The following LCT variants were observed in gnomAD, a reference collection of about 807,000 sequenced individuals.
The protein encoded by LCT is lactase/phlorizin hydrolase.
A neutral mutation model predicts 173.0 loss-of-function variants in LCT; 90 were observed. The ratio of observed to expected loss-of-function variants is 0.52; its 90% CI spans 0.44 to 0.62. LCT has a LOEUF of 0.62. Among genes scored for constraint, LCT ranks in the 20% least tolerant of loss-of-function variants. LCT has a pLI of 0.00. For missense variants in LCT, 1,864 were observed against 2,431.4 expected, an observed-to-expected ratio of 0.77 and a Z score of 4.91; for synonymous variants, 853 against 957.6, an observed-to-expected ratio of 0.89 and a Z score of 2.02.
rs747993329 is a variant in LCT, at chr2:135,837,076, C to A, written c.94G>T (p.Ala32Ser). 4.3e-6 allele frequency: 7 copies of A among 1,613,918 alleles called. No individual in the cohort carries two copies. Among genetic ancestry groups the A allele is most frequent in the Non-Finnish European group, 5.1e-6 (6 of 1,179,940 alleles). ...WESDRNFIST[A>S]GPLTNDLLHN... is the part of the protein sequence containing the mutation. ...AGCAAGTCATTGGTTAGAGGACCAG[C>A]GGTGGAAATGAAATTTCTATCAGAC... Residue 32 changes from alanine to serine, a missense_variant, in exon 1 of 17, where the codon GCT becomes TCT. Ala to Ser is a moderately conservative substitution (Grantham distance 99). Coordinates refer to ENST00000264162, the MANE Select transcript of LCT (RefSeq NM_002299.4).
intron 13 of LCT, among the ~76,000 whole-genome samples, chr2:135,797,366 C>T (rs980227500): frequency 2.1e-4 from 32 of 152,102 alleles, no homozygotes; most frequent in African/African-American, 7.5e-4. Flanking sequence ...TGGGCATGTT[C>T]CCGTGGGCAG....
intron 7 of LCT, among the ~76,000 whole-genome samples, chr2:135,810,684 G>A (rs994255597): frequency 1.3e-5 from 2 of 148,806 alleles, no homozygotes; most frequent in African/African-American, 5.0e-5. Flanking sequence ...TTTTAAAAAA[G>A]AAATAAAGCA....
Position 135,804,709 on chromosome 2 carries a change from C to G in LCT, c.4464+58G>C, listed in dbSNP as rs147299950. 2,537 of 1,491,502 alleles carry G rather than the reference C, an allele frequency of 1.7e-3. 28 individuals are homozygous for G. In the African/African-American group the frequency reaches 0.028, roughly 17 times the overall value. 92.4% of individuals were successfully genotyped at this position (1,491,502 alleles called of 1,614,324 possible). A position where few individuals can be genotyped will look rare whatever the true frequency, so the allele number is the denominator to read the frequency against. On this transcript the variant is annotated intron_variant, in intron 10 of 16. Transcript: ENST00000264162. ...TGTTTACATGATAAATGTGCTCCCCCAGCCCTGCTGGTTCCTGCATGTGGA... is the reference window on the plus strand; with the variant it reads ...TGTTTACATGATAAATGTGCTCCCCGAGCCCTGCTGGTTCCTGCATGTGGA...
chr2:135,814,761 C>T lies in LCT; in HGVS notation c.1708-1805G>A, dbSNP rs376597565. ...CGAACCCCTGATCTCGTGATCCGCC[C>T]GCCTCGGCCTCCCAAAGTGCTGAGA... On this transcript the variant is annotated intron_variant, in intron 6 of 16. Transcript: ENST00000264162. Among the ~76,000 whole-genome samples, 9 of 152,136 alleles carry T rather than the reference C, an allele frequency of 5.9e-5. No homozygotes were observed. In the South Asian group the frequency reaches 6.2e-4, roughly 11 times the overall value.
chr2:135,818,100 A>C, intron 5 of LCT, 39 bp from the exon 6 acceptor site: 2 of 1,611,736 alleles, frequency 1.2e-6, no homozygotes, highest in East Asian at 4.5e-5. Flanking sequence ...ATAATAATGA[A>C]TGACGCTGGC....
At chr2:135,806,928 C>T (rs2077679837) in intron 9 of LCT, among the ~76,000 whole-genome samples, 200 bp downstream of exon 9, 1 of 152,240 alleles carries the variant, frequency 6.6e-6, no homozygotes, top group African/African-American at 2.4e-5. Context: ...GACAGCGAGC[C>T]TCACCATGCT....
In LCT at chr2:135,828,942, A is replaced by G. The variant is rs200026406; in HGVS notation, c.804+651T>C. On this transcript the variant is annotated intron_variant, in intron 3 of 16. Coordinates refer to ENST00000264162, the MANE Select transcript of LCT (RefSeq NM_002299.4). Reference sequence around the variant, plus strand: ...GTGGTGGCTCACGCCTGTAATCCCAACACTTTGGGAGGCCAAGGTGGGCGG... The same window carrying G: ...GTGGTGGCTCACGCCTGTAATCCCAGCACTTTGGGAGGCCAAGGTGGGCGG... 1.2e-3 allele frequency among the ~76,000 whole-genome samples: 189 copies of G among 152,260 alleles called. 1 individual carries two copies. The highest frequency in any genetic ancestry group is 4.4e-3 in the African/African-American group (181 of 41,568).
At chr2:135,794,975 C>T (rs2077569502) in intron 13 of LCT, among the ~76,000 whole-genome samples, 200 bp from the exon 14 acceptor site, 1 of 152,066 alleles carries the variant, frequency 6.6e-6, no homozygotes, top group Non-Finnish European at 1.5e-5. Flanking sequence ...ATAAACCTGG[C>T]TTCCCTAGGT....
intron 1 of LCT, among the ~76,000 whole-genome samples, chr2:135,833,408 G>C (rs1215206371): frequency 4.8e-5 from 6 of 125,246 alleles, no homozygotes; most frequent in African/African-American, 1.0e-4. Flanking sequence ...AGCAGTTGGA[G>C]AGTTGGCAAG....
At chr2:135,796,784 G>T (rs183484054) in intron 13 of LCT, among the ~76,000 whole-genome samples, 1 of 152,044 alleles carries the variant, frequency 6.6e-6, no homozygotes, top group African/African-American at 2.4e-5. Context: ...GCCCTGGCTC[G>T]GGCAAATGGT....
chr2:135,808,410 G>A, intron 8 of LCT, 33 bp downstream of exon 8: 1 of 1,541,666 alleles, frequency 6.5e-7, no homozygotes, highest in Non-Finnish European at 9.0e-7. Flanking sequence ...AATGTTGGAA[G>A]ATTTCTTTAA....
In LCT at chr2:135,822,092, T is replaced by C. The variant is rs370965510; in HGVS notation, c.914A>G (p.Asn305Ser). ...CCCAATGGTGAGCACTTGGTCTTTA[T>C]TTATGGCTGTAAGAGAAGAAATTGA... Reference protein sequence around the residue: ...SLLFSLFEAINKDQVLTIGFD... With the variant: ...SLLFSLFEAISKDQVLTIGFD... The change falls in exon 5 of 17, where the codon AAT becomes AGT. Residue 305 changes from asparagine (N) to serine (S), a missense_variant. Asn to Ser is a conservative substitution (Grantham distance 46, BLOSUM62 1). Coordinates refer to ENST00000264162, the MANE Select transcript of LCT (RefSeq NM_002299.4). 21 of 1,582,678 alleles carry C rather than the reference T, an allele frequency of 1.3e-5. No homozygotes were observed. The African/African-American group carries it at 2.7e-4, about 20-fold the overall frequency.
chr2:135,800,753 C>A lies in LCT; in HGVS notation c.4720G>T (p.Ala1574Ser). The change falls in exon 12 of 17, where the codon GCT (alanine) becomes TCT (serine). Residue 1574 changes from alanine to serine, a missense_variant. Physicochemically the swap from Ala to Ser is moderately conservative, Grantham distance 99. Around this residue, in one of 4 missense-constraint regions of LCT, gnomAD observed 514 missense variants for 750.1 expected, o/e 0.69. Transcript: ENST00000264162. ...PYIVGHNLIKAHAEAWHLYND... is the reference protein window; with the variant it reads ...PYIVGHNLIKSHAEAWHLYND... The stretch of plus-strand genomic sequence containing the variant: ...TACAGATGCCAGGCCTCAGCATGAG[C>A]CTTTATTAGATTGTGGCCAACAATG... The A allele has an allele frequency of 6.2e-7, 1 of 1,614,072 alleles. No homozygotes were observed. The highest frequency in any genetic ancestry group is 8.5e-7 in the Non-Finnish European group (1 of 1,180,020).
At chr2:135,831,373 G>A (rs887341797) in intron 2 of LCT, among the ~76,000 whole-genome samples, 1 of 143,734 alleles carries the variant, frequency 7.0e-6, no homozygotes, top group Non-Finnish European at 1.5e-5. Context: ...AATAGGAGGT[G>A]AGGCCAGAGA....
In LCT at chr2:135,800,774, C is replaced by A; in HGVS notation, c.4699G>T (p.Val1567Phe). The A allele has an allele frequency of 6.2e-7, 1 of 1,614,054 alleles. No individual in the cohort carries two copies. The highest frequency in any genetic ancestry group is 8.5e-7 in the Non-Finnish European group (1 of 1,180,020). Residue 1567 changes from valine (V) to phenylalanine (F), a missense_variant, in exon 12 of 17, where the codon GTT (valine) becomes TTT (phenylalanine). Physicochemically the swap from Val to Phe is conservative, Grantham distance 50. Transcript: ENST00000264162. ...SNRPGTAPYI[V>F]GHNLIKAHAE... ...TGAGCCTTTATTAGATTGTGGCCAACAATGTAGGGGGCAGTGCCAGGCCTA... is the reference window on the plus strand; with the variant it reads ...TGAGCCTTTATTAGATTGTGGCCAAAAATGTAGGGGGCAGTGCCAGGCCTA...
chr2:135,809,441 A>G lies in LCT; in HGVS notation c.2906T>C (p.Leu969Ser). ...LDADLNMLRA[L>S]KVKAYRFSIS... is the part of the protein sequence containing the mutation. ...AGAGAAGCGGTAGGCCTTCACCTTC[A>G]AAGCTCGGAGCATATTCAGATCGGC... Residue 969 changes from leucine (L) to serine (S), a missense_variant, in exon 8 of 17, where the codon TTG becomes TCG. By Grantham distance (145) the Leu-to-Ser change is moderately radical. This residue lies in a region of LCT where 755 missense variants were observed against 926.3 expected (regional missense o/e 0.82). Transcript: ENST00000264162. This position sits in a 1 kb window ranked among gnomAD's most constrained non-coding sequence, Gnocchi z 5.5. The G allele has an allele frequency of 6.2e-7, 1 of 1,614,232 alleles. No individual in the cohort carries two copies. Among genetic ancestry groups the G allele is most frequent in the Non-Finnish European group, 8.5e-7 (1 of 1,180,038 alleles).
chr2:135,792,980 T>C (rs2077544336), intron 14 of LCT, among the ~76,000 whole-genome samples: 1 of 152,104 alleles, frequency 6.6e-6, no homozygotes. Context: ...ACCTCCTCTC[T>C]TGAAAGTGCC....
intron 7 of LCT, among the ~76,000 whole-genome samples, chr2:135,811,026 CAAA>C (rs1017659333): frequency 8.0e-6 from 1 of 125,090 alleles, no homozygotes; most frequent in Admixed American, 8.3e-5. Context: ...GACTCCGTCT[CAAA>C]AAAAAAAAAA....
intron 11 of LCT, among the ~76,000 whole-genome samples, chr2:135,802,817 T>G (rs1685741304): frequency 6.6e-6 from 1 of 152,040 alleles, no homozygotes. Flanking sequence ...TGAATGTAGT[T>G]AACAATAATT....
Sources: gnomAD v4.1 joint callset for allele counts (sites outside exome capture counted in the v4.1 genomes callset) on GRCh38, gnomAD v4.1.1 for gene constraint, gnomAD v4.1.1 regional missense constraint, Gnocchi (gnomAD v3.1) non-coding constraint, MANE v1.5 for transcripts, NCBI Gene and HGNC (gene_info 2026-07-23, HGNC 2026-07-21) for gene names.